Variants in NCS1 observed in about 807,000 individuals in gnomAD.
NCS1 encodes neuronal calcium sensor 1, also known as frequenin homolog.
Under a neutral mutation model 28.4 loss-of-function variants are expected in NCS1, and 6 were observed. The ratio of observed to expected loss-of-function variants is 0.21; its 90% CI spans 0.12 to 0.42. The LOEUF is 0.42. Ranked by LOEUF, NCS1 falls within the 10% of genes least tolerant of loss-of-function variation. The pLI, the probability that NCS1 is intolerant of heterozygous loss-of-function variation, is 1.00. For synonymous variants in NCS1, 86 were observed against 99.3 expected, an observed-to-expected ratio of 0.87 and a Z score of 0.79; for missense variants, 131 against 241.4, an observed-to-expected ratio of 0.54 and a Z score of 3.03.
chr9:130,216,629 T>C (rs1463843196), intron 2 of NCS1, among the ~76,000 whole-genome samples: 1 of 151,654 alleles, frequency 6.6e-6, no homozygotes, highest in Non-Finnish European at 1.5e-5. Flanking sequence ...GGCAGGAGAA[T>C]CGCTTGAACC....
chr9:130,179,113 A>G (rs1418374656), intron 1 of NCS1, among the ~76,000 whole-genome samples: 3 of 151,270 alleles, frequency 2.0e-5, no homozygotes, highest in Admixed American at 6.6e-5. Flanking sequence ...TTGTATTTTT[A>G]GTAGAGACGG....
rs1208555700 is a variant in NCS1, at chr9:130,226,828, C to T, written c.*17+324C>T. On this transcript the variant is annotated intron_variant, in intron 7 of 7. Transcript: ENST00000372398. The surrounding 1 kb of genome is among the most constrained non-coding windows in gnomAD (Gnocchi z 4.8). Reference sequence around the variant, plus strand: ...GATCACCAGGTCAGGAGTTCAAGACCAGCCTGACCAACATGGTGAAACCCC... The same window carrying T: ...GATCACCAGGTCAGGAGTTCAAGACTAGCCTGACCAACATGGTGAAACCCC... 6.6e-6 allele frequency among the ~76,000 whole-genome samples: 1 copy of T among 151,984 alleles called. No homozygotes were observed. The highest frequency in any genetic ancestry group is 6.6e-5 in the Admixed American group (1 of 15,252).
chr9:130,222,890 A>G, intron 5 of NCS1, 152 bp downstream of exon 5: 1 of 882,478 alleles, frequency 1.1e-6, no homozygotes, highest in Non-Finnish European at 1.8e-6. Context: ...CTGCCTGGGC[A>G]GGCAGGCACA....
At chr9:130,224,944 C>G (rs1833390758) in intron 6 of NCS1, among the ~76,000 whole-genome samples, 1 of 152,188 alleles carries the variant, frequency 6.6e-6, no homozygotes, top group Admixed American at 6.5e-5. Flanking sequence ...GTCATCCCAG[C>G]ACTTTGGGAG....
rs375479091 is a variant in NCS1, at chr9:130,220,125, G to A, written c.307+322G>A. On this transcript the variant is annotated intron_variant, in intron 4 of 7. Transcript: ENST00000372398. ...TGGACAGGGAGGGCTGGGGGCAGAG[G>A]CTGGCAGGAGCCTTGGCTGCACTCG... 1.7e-3 allele frequency among the ~76,000 whole-genome samples: 265 copies of A among 152,326 alleles called. 1 individual carries two copies. In the South Asian group the frequency reaches 0.022, roughly 13 times the overall value.
rs1318686070 is a variant in NCS1, at chr9:130,235,696, T to G, written c.*2724T>G. On this transcript the variant is annotated 3_prime_UTR_variant, in exon 8 of 8. Coordinates refer to ENST00000372398, the MANE Select transcript of NCS1 (RefSeq NM_014286.4). ...GGACACTGGCCATTTTCACTAGAGT[T>G]TGCCTGGCAGGGACCGATCTCTGCC... is the stretch of plus-strand genomic sequence containing the variant. 4 of 152,478 alleles carry G rather than the reference T, an allele frequency of 2.6e-5. No homozygotes were observed. Among genetic ancestry groups the G allele is most frequent in the Non-Finnish European group, 5.9e-5 (4 of 68,260 alleles). The allele number at this position is 152,478 out of a possible 1,614,324, so 9.4% of individuals were successfully genotyped here.
At chr9:130,218,961 G>A (rs1833229602) in intron 3 of NCS1, among the ~76,000 whole-genome samples, 1 of 152,112 alleles carries the variant, frequency 6.6e-6, no homozygotes, top group Admixed American at 6.6e-5. Context: ...CATTTTGTAG[G>A]TCAGGAAACT....
chr9:130,199,197 G>A (rs1472320600), intron 1 of NCS1, among the ~76,000 whole-genome samples: 3 of 151,774 alleles, frequency 2.0e-5, no homozygotes, highest in East Asian at 1.9e-4. Context: ...GGGTTCAAGC[G>A]ATTCTCCTGC....
intron 1 of NCS1, among the ~76,000 whole-genome samples, chr9:130,197,510 G>A (rs1329048989): frequency 1.3e-5 from 2 of 152,124 alleles, no homozygotes; most frequent in Non-Finnish European, 2.9e-5. Context: ...TCTCCACCCC[G>A]GCTCAGCTTC....
intron 2 of NCS1, among the ~76,000 whole-genome samples, chr9:130,214,785 A>G (rs1833160828): frequency 6.6e-6 from 1 of 152,026 alleles, no homozygotes; most frequent in Non-Finnish European, 1.5e-5. Flanking sequence ...CATGGACATC[A>G]CCTCATGGGG....
chr9:130,230,765 C>T (rs1833490234), intron 7 of NCS1, among the ~76,000 whole-genome samples: 1 of 149,910 alleles, frequency 6.7e-6, no homozygotes, highest in Non-Finnish European at 1.5e-5. Flanking sequence ...TCCGAATCCC[C>T]AGTTCCCTGC....
intron 1 of NCS1, among the ~76,000 whole-genome samples, chr9:130,196,214 G>A (rs1554906811): frequency 6.6e-6 from 1 of 152,228 alleles, no homozygotes; most frequent in Non-Finnish European, 1.5e-5. Context: ...GTGGGGAGGG[G>A]AGGCAGGCAC....
chr9:130,185,732 T>C (rs1832728532), intron 1 of NCS1, among the ~76,000 whole-genome samples: 1 of 152,240 alleles, frequency 6.6e-6, no homozygotes, highest in Non-Finnish European at 1.5e-5. Context: ...GTGTGTGTGC[T>C]GGGCAGAGGA....
intron 1 of NCS1, among the ~76,000 whole-genome samples, chr9:130,199,582 T>G (rs1554907215): frequency 6.6e-6 from 1 of 152,200 alleles, no homozygotes; most frequent in Non-Finnish European, 1.5e-5. Flanking sequence ...CCTGATCTCT[T>G]TGTGCCTCAG....
intron 1 of NCS1, among the ~76,000 whole-genome samples, chr9:130,189,072 G>C (rs188110318): frequency 6.6e-6 from 1 of 152,242 alleles, no homozygotes; most frequent in Non-Finnish European, 1.5e-5. Flanking sequence ...GTGCTAACAG[G>C]GTGTGTCTCC....
chr9:130,221,054 C>T (rs527777618), intron 4 of NCS1, among the ~76,000 whole-genome samples: 10 of 152,110 alleles, frequency 6.6e-5, no homozygotes, highest in East Asian at 1.9e-4. Flanking sequence ...GACAGAGTCT[C>T]GCTCTGTTGC....
intron 6 of NCS1, among the ~76,000 whole-genome samples, chr9:130,224,334 G>A (rs1554911083): frequency 6.7e-6 from 1 of 148,840 alleles, no homozygotes; most frequent in African/African-American, 2.5e-5. Flanking sequence ...AGCAGTTGCA[G>A]TGAGTGGAGA....
At chr9:130,218,925 A>G (rs1176364557) in intron 3 of NCS1, among the ~76,000 whole-genome samples, 1 of 152,122 alleles carries the variant, frequency 6.6e-6, no homozygotes, top group Non-Finnish European at 1.5e-5. Flanking sequence ...CCTTACAAGC[A>G]CCTGGGAGCT....
rs1294901232 is a variant in NCS1, at chr9:130,235,131, C to CG, written c.*2159_*2160insG. 2 of 152,340 alleles carry CG rather than the reference C, an allele frequency of 1.3e-5. No homozygotes were observed. The highest frequency in any genetic ancestry group is 4.8e-5 in the African/African-American group (2 of 41,414). 9.4% of individuals were successfully genotyped at this position (152,340 alleles called of 1,614,324 possible). ...CTGGCCCCACGGTAACCCCCCCTCC[C>CG]CCACCAACATCCTGCAGGGATGGGG... On this transcript the variant is annotated 3_prime_UTR_variant, in exon 8 of 8. Transcript: ENST00000372398.
Sources: allele counts gnomAD v4.1 joint callset (sites outside exome capture counted in the v4.1 genomes callset), GRCh38; gene constraint gnomAD v4.1.1; non-coding constraint Gnocchi (gnomAD v3.1); transcripts MANE v1.5; gene names NCBI Gene and HGNC (gene_info 2026-07-23, HGNC 2026-07-21).